EXOC4: variants seen among roughly 807,000 people sequenced by gnomAD.
EXOC4 encodes SEC8-like 1.
EXOC4 carries 71 observed loss-of-function variants against 107.2 expected under a neutral mutation model. The ratio of observed to expected loss-of-function variants is 0.66; its 90% CI spans 0.55 to 0.81. The LOEUF (loss-of-function observed/expected upper bound fraction) is 0.81, where lower values mean the gene tolerates loss of function less well. Ranked by LOEUF, EXOC4 falls within the 30% of genes least tolerant of loss-of-function variation. The pLI is 0.00. For missense variants in EXOC4, 1,108 were observed against 1,189.6 expected, an observed-to-expected ratio of 0.93 and a Z score of 1.01; for synonymous variants, 456 against 441.2, an observed-to-expected ratio of 1.03 and a Z score of -0.42.
intron 11 of EXOC4, among the ~76,000 whole-genome samples, chr7:133,854,335 C>T (rs1176420409): frequency 6.6e-6 from 1 of 151,516 alleles, no homozygotes. Context: ...ATGCTTGCCA[C>T]CTCTTATTGG....
intron 1 of EXOC4, among the ~76,000 whole-genome samples, chr7:133,258,215 G>A (rs575562905): frequency 2.3e-4 from 35 of 152,178 alleles, no homozygotes; most frequent in Non-Finnish European, 4.1e-4. Flanking sequence ...AACGTAAGGG[G>A]CAACACAATT....
chr7:133,834,563 C>G (rs1797878097), intron 11 of EXOC4, among the ~76,000 whole-genome samples: 2 of 152,320 alleles, frequency 1.3e-5, no homozygotes, highest in Non-Finnish European at 2.9e-5. Flanking sequence ...AATTGTTTTT[C>G]TAAGAATCCT....
chr7:133,997,777 T>C, intron 15 of EXOC4, 144 bp downstream of exon 15: 1 of 963,594 alleles, frequency 1.0e-6, no homozygotes. Context: ...GATTTTTAGC[T>C]GTATTCAGTG....
intron 11 of EXOC4, among the ~76,000 whole-genome samples, chr7:133,833,662 A>C (rs893259986): frequency 6.6e-6 from 1 of 152,190 alleles, no homozygotes. Context: ...TTCTGGACTC[A>C]GATGATCCTC....
At chr7:133,755,376 A>C (rs1795894210) in intron 10 of EXOC4, among the ~76,000 whole-genome samples, 1 of 126,582 alleles carries the variant, frequency 7.9e-6, no homozygotes, top group Non-Finnish European at 1.7e-5. Flanking sequence ...ACAGAGTCTC[A>C]CCCTGTCACC....
intron 14 of EXOC4, among the ~76,000 whole-genome samples, chr7:133,941,386 A>G (rs1800424875): frequency 6.6e-6 from 1 of 152,182 alleles, no homozygotes. Flanking sequence ...TTACATTTAG[A>G]AGAAAGTAGA....
At chr7:133,261,347 A>G (rs1227466725) in intron 1 of EXOC4, among the ~76,000 whole-genome samples, 1 of 150,526 alleles carries the variant, frequency 6.6e-6, no homozygotes, top group African/African-American at 2.4e-5. Flanking sequence ...GCTCACTGCA[A>G]CCTCTGCCTC....
chr7:134,060,234 A>C (rs1430328983), intron 17 of EXOC4, among the ~76,000 whole-genome samples: 3 of 152,198 alleles, frequency 2.0e-5, no homozygotes, highest in African/African-American at 7.2e-5. Context: ...TGCTGCAAAA[A>C]GGCACACAGC....
intron 5 of EXOC4, among the ~76,000 whole-genome samples, chr7:133,349,527 G>A (rs1795861156): frequency 6.6e-6 from 1 of 152,120 alleles, no homozygotes; most frequent in Non-Finnish European, 1.5e-5. Context: ...TCCATTGTAT[G>A]TATATATCAC....
chr7:133,951,329 G>C (rs1027904989), intron 14 of EXOC4, among the ~76,000 whole-genome samples: 1 of 152,214 alleles, frequency 6.6e-6, no homozygotes. Flanking sequence ...GATGTCGTCT[G>C]TATTATAAAT....
intron 9 of EXOC4, among the ~76,000 whole-genome samples, chr7:133,522,605 G>A (rs1348685954): frequency 6.6e-6 from 1 of 152,030 alleles, no homozygotes; most frequent in East Asian, 1.9e-4. Context: ...CAATTATAGT[G>A]TTACTATCTT....
In EXOC4 at chr7:133,696,417, C is replaced by G. The variant is rs531456594; in HGVS notation, c.1514+66276C>G. On this transcript the variant is annotated intron_variant, in intron 10 of 17. Coordinates refer to ENST00000253861, the MANE Select transcript of EXOC4 (RefSeq NM_021807.4). ...CACTCCCCTGACTCTCCTCCTCTGT[C>G]CTACAGTTTTTGCCTTCATAATCTC... is the stretch of plus-strand genomic sequence containing the variant. Among the ~76,000 whole-genome samples the G allele has an allele frequency of 2.6e-5, 4 of 152,318 alleles. No individual in the cohort carries two copies. In the South Asian group the frequency reaches 8.3e-4, roughly 32 times the overall value.
At chr7:133,788,030 A>G in intron 10 of EXOC4, among the ~76,000 whole-genome samples, 1 of 119,426 alleles carries the variant, frequency 8.4e-6, no homozygotes, top group African/African-American at 3.0e-5. Context: ...TCTAGAGGAA[A>G]GGGAGCTTGA....
intron 10 of EXOC4, among the ~76,000 whole-genome samples, chr7:133,706,457 T>C (rs2151091940): frequency 6.6e-6 from 1 of 152,366 alleles, no homozygotes; most frequent in Admixed American, 6.5e-5. Context: ...TGGCTTTTGG[T>C]TGACTAAGAG....
chr7:133,720,701 C>T (rs563971699), intron 10 of EXOC4, among the ~76,000 whole-genome samples: 45 of 152,212 alleles, frequency 3.0e-4, no homozygotes, highest in African/African-American at 9.9e-4. Context: ...TGATGCTTAA[C>T]GGCAACCTGC....
At chr7:133,588,326 AG>A in intron 9 of EXOC4, among the ~76,000 whole-genome samples, 1 of 152,298 alleles carries the variant, frequency 6.6e-6, no homozygotes, top group East Asian at 1.9e-4. Context: ...CTTTCTCCCC[AG>A]GGTTTCCCAT....
intron 7 of EXOC4, among the ~76,000 whole-genome samples, chr7:133,404,870 C>CA (rs1797176713): frequency 1.4e-5 from 1 of 71,564 alleles, no homozygotes; most frequent in African/African-American, 6.0e-5. Context: ...CCACCCCCTG[C>CA]GCCCCCCCCC....
chr7:133,382,976 G>A (rs1796651324), intron 7 of EXOC4, among the ~76,000 whole-genome samples: 1 of 152,076 alleles, frequency 6.6e-6, no homozygotes, highest in South Asian at 2.1e-4. Context: ...TTTTTCCCTG[G>A]TGTCAGCCCT....
At chr7:133,934,613 G>A (rs553656125) in intron 13 of EXOC4, among the ~76,000 whole-genome samples, 6 of 152,102 alleles carry the variant, frequency 3.9e-5, no homozygotes, top group Middle Eastern at 6.8e-3. Context: ...CTTAATTGTC[G>A]CATTCCACCT....
Sources: allele counts gnomAD v4.1 joint callset (sites outside exome capture counted in the v4.1 genomes callset), GRCh38; gene constraint gnomAD v4.1.1; transcripts MANE v1.5; gene names NCBI Gene and HGNC (gene_info 2026-07-23, HGNC 2026-07-21).